Variants in CNTN3 observed in about 807,000 individuals in gnomAD.
CNTN3 encodes the protein contactin-3.
Under a neutral mutation model 119.1 loss-of-function variants are expected in CNTN3, and 60 were observed. The ratio of observed to expected loss-of-function variants is 0.50; its 90% CI spans 0.41 to 0.62. The LOEUF (loss-of-function observed/expected upper bound fraction) is 0.62. Ranked by LOEUF, CNTN3 falls within the 20% of genes least tolerant of loss-of-function variation. The pLI is 0.00. For synonymous variants in CNTN3, 450 were observed against 438.7 expected, an observed-to-expected ratio of 1.03 and a Z score of -0.32; for missense variants, 1,101 against 1,242.4, an observed-to-expected ratio of 0.89 and a Z score of 1.71.
intron 1 of CNTN3, among the ~76,000 whole-genome samples, chr3:74,582,816 A>G (rs909990730): frequency 2.5e-5 from 3 of 119,672 alleles, no homozygotes; most frequent in African/African-American, 1.4e-4. Flanking sequence ...TGTGTGTGTG[A>G]CCCTACGACA....
chr3:74,463,340 G>A (rs777394383), intron 4 of CNTN3, among the ~76,000 whole-genome samples: 1 of 152,038 alleles, frequency 6.6e-6, no homozygotes, highest in South Asian at 2.1e-4. Flanking sequence ...ACTTCAATAC[G>A]AATAGACATG....
chr3:74,452,429 G>C (rs1336659181), intron 4 of CNTN3, among the ~76,000 whole-genome samples: 1 of 145,558 alleles, frequency 6.9e-6, no homozygotes, highest in Non-Finnish European at 1.5e-5. Flanking sequence ...AGACGATGGG[G>C]TTTTCTAGAT....
intron 5 of CNTN3, 98 bp from the exon 6 acceptor site, chr3:74,371,497 A>C (rs2106792309): frequency 1.2e-6 from 1 of 804,440 alleles, no homozygotes. Context: ...TTTACTTCCA[A>C]GTAGTGCTGA....
intron 1 of CNTN3, among the ~76,000 whole-genome samples, chr3:74,595,137 T>C (rs1310153166): frequency 6.6e-6 from 1 of 150,468 alleles, no homozygotes; most frequent in Non-Finnish European, 1.5e-5. Flanking sequence ...CACTTTTTGA[T>C]GCGGCTGTTT....
At chr3:74,374,034 C>T (rs997864880) in intron 5 of CNTN3, among the ~76,000 whole-genome samples, 5 of 152,102 alleles carry the variant, frequency 3.3e-5, no homozygotes, top group East Asian at 1.9e-4. Flanking sequence ...CACCTCCCTG[C>T]GCTGCTCCTA....
intron 13 of CNTN3, among the ~76,000 whole-genome samples, chr3:74,312,034 G>A (rs771710965): frequency 2.6e-5 from 4 of 152,030 alleles, no homozygotes; most frequent in African/African-American, 9.7e-5. Flanking sequence ...TGTTAATTTT[G>A]CCTCAGAGAG....
At chr3:74,560,135 C>T (rs1206221928) in intron 1 of CNTN3, among the ~76,000 whole-genome samples, 1 of 152,122 alleles carries the variant, frequency 6.6e-6, no homozygotes, top group African/African-American at 2.4e-5. Flanking sequence ...TTCAGCAGCA[C>T]ACTCACTGGC....
chr3:74,453,781 G>A (rs1702207531), intron 4 of CNTN3, among the ~76,000 whole-genome samples: 1 of 151,648 alleles, frequency 6.6e-6, no homozygotes. Flanking sequence ...GTACCCAGTA[G>A]TCATTCAGGA....
chr3:74,408,482 C>A (rs1314151553), intron 5 of CNTN3, among the ~76,000 whole-genome samples: 1 of 152,104 alleles, frequency 6.6e-6, no homozygotes, highest in East Asian at 1.9e-4. Context: ...ATTCTTTTAA[C>A]TGAGATTTGG....
intron 13 of CNTN3, among the ~76,000 whole-genome samples, chr3:74,315,935 C>A (rs995332412): frequency 1.3e-4 from 20 of 152,100 alleles, no homozygotes; most frequent in African/African-American, 4.8e-4. Context: ...TAATACTGGC[C>A]TTGGCAAATA....
chr3:74,542,508 C>A (rs1575818327), intron 1 of CNTN3, among the ~76,000 whole-genome samples: 2 of 152,230 alleles, frequency 1.3e-5, no homozygotes, highest in African/African-American at 4.8e-5. Context: ...TGAGAAAGCA[C>A]ATTTTTGAAA....
At position 74,473,809 on chromosome 3, in the gene CNTN3, G is replaced by C. The variant is rs893834122; in HGVS notation, c.358+12647C>G. Among the ~76,000 whole-genome samples the C allele has an allele frequency of 2.6e-5, 4 of 152,204 alleles. No homozygotes were observed. In the South Asian group the frequency reaches 6.2e-4, roughly 24 times the overall value. ...TGTACAGACCCGGGGGAAGGGTCTG[G>C]GTGAAAACATTCACAGCACCTAAAA... is the stretch of plus-strand genomic sequence containing the variant. On this transcript the variant is annotated intron_variant, in intron 4 of 22. Transcript: ENST00000263665.
Position 74,366,780 on chromosome 3 carries a change from G to GTGTATATATATATATATATATA in CNTN3, c.947-1079_947-1078insTATATATATATATATATATACA, listed in dbSNP as rs1447686332. Among the ~76,000 whole-genome samples the GTGTATATATATATATATATATA allele has an allele frequency of 2.3e-3, 147 of 63,666 alleles. 1 individual carries two copies. Among genetic ancestry groups the GTGTATATATATATATATATATA allele is most frequent in the African/African-American group, 3.8e-3 (45 of 11,750 alleles). 41.8% of individuals were successfully genotyped at this position (63,666 alleles called of 152,430 possible). On this transcript the variant is annotated intron_variant, in intron 8 of 22. Coordinates refer to ENST00000263665, the MANE Select transcript of CNTN3 (RefSeq NM_020872.3). Reference sequence around the variant, plus strand: ...TGTGCGTGTGTGTGTGTGTGTGTGTGTATATATATATATATATATATATAT... The same window carrying GTGTATATATATATATATATATA: ...TGTGCGTGTGTGTGTGTGTGTGTGTGTGTATATATATATATATATATATATATATATATATATATATATATAT...
intron 5 of CNTN3, among the ~76,000 whole-genome samples, chr3:74,386,706 T>C (rs538622271): frequency 8.5e-5 from 13 of 152,218 alleles, no homozygotes; most frequent in Non-Finnish European, 1.6e-4. Context: ...TCCTTGTTTG[T>C]AAAATTAAAA....
rs1268152712 is a variant in CNTN3, at chr3:74,302,814, G to A, written c.1669-7C>T. ...TTAAATCACCAGATGAACTCTGTTG[G>A]GAAAACAGGTAATGAATACACTGTT... On this transcript the variant is annotated splice_polypyrimidine_tract_variant and splice_region_variant and intron_variant, in intron 13 of 22. Coordinates refer to ENST00000263665, the MANE Select transcript of CNTN3 (RefSeq NM_020872.3). 1.3e-6 allele frequency: 2 copies of A among 1,558,532 alleles called. No homozygotes were observed. The highest frequency in any genetic ancestry group is 1.7e-5 in the Admixed American group (1 of 59,518).
At chr3:74,519,964 A>G (rs921261575) in intron 2 of CNTN3, among the ~76,000 whole-genome samples, 1 of 151,620 alleles carries the variant, frequency 6.6e-6, no homozygotes, top group Admixed American at 6.6e-5. Flanking sequence ...AGCATGTTTG[A>G]ACTTTGACAT....
rs755008696 is a variant in CNTN3, at chr3:74,296,851, T to C, written c.2401+1106A>G. Among the ~76,000 whole-genome samples the C allele has an allele frequency of 2.0e-5, 3 of 151,290 alleles. No individual in the cohort carries two copies. In the South Asian group the frequency reaches 6.2e-4, roughly 31 times the overall value. On this transcript the variant is annotated intron_variant, in intron 18 of 22. Coordinates refer to ENST00000263665, the MANE Select transcript of CNTN3 (RefSeq NM_020872.3). ...TGTCGGGCAAGTAGTAAAACTTCAA[T>C]ACATGTTAGTTTCTGCCATTTTTTT...
chr3:74,330,061 T>G (rs964148697), intron 13 of CNTN3, among the ~76,000 whole-genome samples: 2 of 152,022 alleles, frequency 1.3e-5, no homozygotes, highest in Non-Finnish European at 2.9e-5. Context: ...TCCCATAAGA[T>G]TATAATGGAG....
chr3:74,484,915 T>G (rs936473104), intron 4 of CNTN3, among the ~76,000 whole-genome samples: 1 of 148,068 alleles, frequency 6.8e-6, no homozygotes, highest in Non-Finnish European at 1.5e-5. Flanking sequence ...CATACTTGAA[T>G]TTTTTAATGT....
Sources: gnomAD v4.1 joint callset for allele counts (sites outside exome capture counted in the v4.1 genomes callset) on GRCh38, gnomAD v4.1.1 for gene constraint, MANE v1.5 for transcripts, NCBI Gene and HGNC (gene_info 2026-07-23, HGNC 2026-07-21) for gene names.